RASSF8: variants seen among roughly 807,000 people sequenced by gnomAD.
RASSF8 encodes ras association domain-containing protein 8.
A neutral mutation model predicts 48.5 loss-of-function variants in RASSF8; 22 were observed. The ratio of observed to expected loss-of-function variants is 0.45; its 90% CI spans 0.32 to 0.65. RASSF8 has a LOEUF of 0.65. Among genes scored for constraint, RASSF8 ranks in the 30% least tolerant of loss-of-function variants. The pLI is 0.03. For missense variants in RASSF8, 418 were observed against 489.2 expected, an observed-to-expected ratio of 0.85 and a Z score of 1.37; for synonymous variants, 127 against 171.5, an observed-to-expected ratio of 0.74 and a Z score of 2.03.
chr12:25,990,625 T>C (rs908347728), intron 1 of RASSF8, among the ~76,000 whole-genome samples: 3 of 152,238 alleles, frequency 2.0e-5, no homozygotes, highest in Admixed American at 6.5e-5. Context: ...GATACCTTCC[T>C]TACTAACATT....
At chr12:25,996,236 T>TAA (rs1364508947) in intron 2 of RASSF8, among the ~76,000 whole-genome samples, 28 of 152,200 alleles carry the variant, frequency 1.8e-4, no homozygotes, top group African/African-American at 6.3e-4. Context: ...GACCCTATTT[T>TAA]TAAGGCCTTG....
At chr12:26,025,795 CAAA>C (rs1942899430) in intron 2 of RASSF8, among the ~76,000 whole-genome samples, 1 of 151,390 alleles carries the variant, frequency 6.6e-6, no homozygotes, top group African/African-American at 2.4e-5. Flanking sequence ...TTTATAATAT[CAAA>C]AAGAATAAAA....
chr12:25,976,459 T>G (rs1226500770), intron 1 of RASSF8, among the ~76,000 whole-genome samples: 1 of 152,202 alleles, frequency 6.6e-6, no homozygotes, highest in South Asian at 2.1e-4. Flanking sequence ...TGCTTCTTCT[T>G]TTGCATGTGA....
chr12:25,974,766 C>CT (rs1364804000), intron 1 of RASSF8, among the ~76,000 whole-genome samples: 1 of 152,148 alleles, frequency 6.6e-6, no homozygotes, highest in Non-Finnish European at 1.5e-5. Context: ...GGGCTGCACT[C>CT]TGAGTTTGTC....
intron 2 of RASSF8, among the ~76,000 whole-genome samples, chr12:26,051,923 C>T (rs1024588400): frequency 3.3e-5 from 5 of 152,142 alleles, no homozygotes; most frequent in African/African-American, 9.7e-5. Flanking sequence ...CCTCAGAAAC[C>T]CTGGACACCA....
At position 26,070,581 on chromosome 12, in the gene RASSF8, A is replaced by G. The variant is rs1033665390; in HGVS notation, c.*1763A>G. ...CTGTACACATTTGCTCACAATTTAT[A>G]GTAGTTATTTTCTATCTACCTATAT... On this transcript the variant is annotated 3_prime_UTR_variant, in exon 6 of 6. Transcript: ENST00000689635. 19 of 972,418 alleles carry G rather than the reference A, an allele frequency of 2.0e-5. No homozygotes were observed. Among genetic ancestry groups the G allele is most frequent in the Non-Finnish European group, 2.2e-5 (18 of 818,216 alleles). The allele number at this position is 972,418 out of a possible 1,614,324, so 60.2% of individuals were successfully genotyped here.
At chr12:26,053,347 A>G (rs1943534550) in intron 2 of RASSF8, among the ~76,000 whole-genome samples, 2 of 152,208 alleles carry the variant, frequency 1.3e-5, no homozygotes, top group South Asian at 4.1e-4. Flanking sequence ...AGCTTTTACA[A>G]AAATTTAATA....
At chr12:25,985,766 G>A (rs1941858460) in intron 1 of RASSF8, among the ~76,000 whole-genome samples, 2 of 152,174 alleles carry the variant, frequency 1.3e-5, no homozygotes, top group African/African-American at 4.8e-5. Context: ...GCTTTCAGCA[G>A]TGCAGTGCTA....
At position 26,064,717 on chromosome 12, in the gene RASSF8, C is replaced by A; in HGVS notation, c.323C>A (p.Pro108His). 1 of 1,614,128 alleles carries A rather than the reference C, an allele frequency of 6.2e-7. No homozygotes were observed. Among genetic ancestry groups the A allele is most frequent in the Non-Finnish European group, 8.5e-7 (1 of 1,180,028 alleles). ...ERTLYRQSLP[P>H]LAKLRPQIDK... ...ACTTTATACAGGCAGAGTCTGCCCC[C>A]CTTAGCTAAACTGAGGCCTCAGATT... Residue 108 changes from proline (P) to histidine (H), a missense_variant, in exon 4 of 6, where the codon CCC (proline) becomes CAC (histidine). Coordinates refer to ENST00000689635, the MANE Select transcript of RASSF8 (RefSeq NM_001394098.1).
chr12:26,026,013 A>G lies in RASSF8; in HGVS notation c.-108-29223A>G, dbSNP rs1370957923. Among the ~76,000 whole-genome samples, 4 of 152,218 alleles carry G rather than the reference A, an allele frequency of 2.6e-5. No homozygotes were observed. The East Asian group carries it at 7.7e-4, about 29-fold the overall frequency. ...GTAGATCAAAGACTTAAATGTAAGA[A>G]GAAAAACTATAAAACTCATAGACGT... On this transcript the variant is annotated intron_variant, in intron 2 of 5. Coordinates refer to ENST00000689635, the MANE Select transcript of RASSF8 (RefSeq NM_001394098.1).
Position 26,051,438 on chromosome 12 carries a change from T to C in RASSF8, c.-108-3798T>C, listed in dbSNP as rs181049628. Among the ~76,000 whole-genome samples, 63 of 152,330 alleles carry C rather than the reference T, an allele frequency of 4.1e-4. No individual in the cohort carries two copies. The East Asian group carries it at 8.9e-3, about 21-fold the overall frequency. Reference sequence around the variant, plus strand: ...GGGGAGTTTCTGGTCACAACATTTTTAGAACCCATCAATACATAACCTTGC... The same window carrying C: ...GGGGAGTTTCTGGTCACAACATTTTCAGAACCCATCAATACATAACCTTGC... On this transcript the variant is annotated intron_variant, in intron 2 of 5. Transcript: ENST00000689635.
chr12:26,037,975 T>G (rs1448854040), intron 2 of RASSF8, among the ~76,000 whole-genome samples: 1 of 152,360 alleles, frequency 6.6e-6, no homozygotes, highest in East Asian at 1.9e-4. Context: ...ATTCTGGGAC[T>G]GGGCTGAGTG....
intron 2 of RASSF8, among the ~76,000 whole-genome samples, chr12:26,040,913 A>C (rs1182238897): frequency 6.8e-6 from 1 of 147,634 alleles, no homozygotes; most frequent in Non-Finnish European, 1.5e-5. Flanking sequence ...TTTGAGACAG[A>C]GTCTTGCTCT....
At chr12:26,032,329 GTGTA>G (rs1231805804) in intron 2 of RASSF8, among the ~76,000 whole-genome samples, 1 of 152,162 alleles carries the variant, frequency 6.6e-6, no homozygotes, top group East Asian at 1.9e-4. Context: ...TTAAAATTCT[GTGTA>G]TGTTTTTCGT....
chr12:26,029,995 T>G (rs557418940), intron 2 of RASSF8, among the ~76,000 whole-genome samples: 1 of 152,310 alleles, frequency 6.6e-6, no homozygotes, highest in African/African-American at 2.4e-5. Context: ...TCACTTTATT[T>G]AAAAAGAGTT....
chr12:26,024,363 A>G (rs1483531814), intron 2 of RASSF8, among the ~76,000 whole-genome samples: 3 of 152,156 alleles, frequency 2.0e-5, no homozygotes, highest in Non-Finnish European at 2.9e-5. Flanking sequence ...GTCTCCGTCC[A>G]AATGGCTTCA....
intron 2 of RASSF8, among the ~76,000 whole-genome samples, chr12:25,997,142 A>G (rs778673204): frequency 7.9e-5 from 12 of 152,220 alleles, no homozygotes; most frequent in South Asian, 2.1e-4. Flanking sequence ...GTGTGAAAAG[A>G]AAGTTTAAAG....
intron 2 of RASSF8, among the ~76,000 whole-genome samples, chr12:26,041,968 T>C (rs948905802): frequency 3.7e-4 from 56 of 152,352 alleles, no homozygotes; most frequent in African/African-American, 1.3e-3. Flanking sequence ...GTTTTATTTA[T>C]GGCAGAATCA....
chr12:26,041,739 A>G (rs1220899160), intron 2 of RASSF8, among the ~76,000 whole-genome samples: 1 of 152,194 alleles, frequency 6.6e-6, no homozygotes, highest in Non-Finnish European at 1.5e-5. Flanking sequence ...AAATGGAAAC[A>G]TAGGACAATA....
Sources: allele counts gnomAD v4.1 joint callset (sites outside exome capture counted in the v4.1 genomes callset), GRCh38; gene constraint gnomAD v4.1.1; transcripts MANE v1.5; gene names NCBI Gene and HGNC (gene_info 2026-07-23, HGNC 2026-07-21).